Variants in MCM3AP observed in about 807,000 individuals in gnomAD.
MCM3AP encodes minichromosome maintenance complex component 3 associated protein.
A neutral mutation model predicts 184.1 loss-of-function variants in MCM3AP; 126 were observed. The ratio of observed to expected loss-of-function variants is 0.68; its 90% CI spans 0.59 to 0.79. The LOEUF (loss-of-function observed/expected upper bound fraction) is 0.79. Among genes scored for constraint, MCM3AP ranks in the 30% least tolerant of loss-of-function variants. The pLI, the probability that MCM3AP is intolerant of heterozygous loss-of-function variation, is 0.00. For missense variants in MCM3AP, 2,496 were observed against 2,479.2 expected (o/e 1.01, Z -0.14); for synonymous variants, 1,002 against 979.3 (o/e 1.02, Z -0.43).
Position 46,284,061 on chromosome 21 carries a change from A to G in MCM3AP, c.1219+7T>C, listed in dbSNP as rs1245281252. 1.2e-6 allele frequency: 2 copies of G among 1,607,850 alleles called. No individual in the cohort carries two copies. Among genetic ancestry groups the G allele is most frequent in the African/African-American group, 1.3e-5 (1 of 74,642 alleles). On this transcript the variant is annotated splice_region_variant and intron_variant, in intron 1 of 27. Transcript: ENST00000291688. Reference sequence around the variant, plus strand: ...TTTACTCTATGTGCTACATTTTCAGAGCTCACCTTCTTTCTTCTCTCTACT... The same window carrying G: ...TTTACTCTATGTGCTACATTTTCAGGGCTCACCTTCTTTCTTCTCTCTACT...
intron 9 of MCM3AP, 60 bp from the exon 10 acceptor site, chr21:46,267,202 T>C (rs2081124632): frequency 6.5e-7 from 1 of 1,531,788 alleles, no homozygotes; most frequent in Admixed American, 1.9e-5. Context: ...ACACATGCAG[T>C]CAGCCCATGA....
chr21:46,280,280 G>A lies in MCM3AP; in HGVS notation c.1523-143C>T, dbSNP rs1305720844. 5.0e-6 allele frequency: 5 copies of A among 1,007,446 alleles called. No homozygotes were observed. In the African/African-American group the frequency reaches 8.2e-5, roughly 16 times the overall value. The allele number at this position is 1,007,446 out of a possible 1,614,324, so 62.4% of individuals were successfully genotyped here. On this transcript the variant is annotated intron_variant, in intron 3 of 27. Coordinates refer to ENST00000291688, the MANE Select transcript of MCM3AP (RefSeq NM_003906.5). ...GAGCCCAAGGAAATAACTGTGAGAT[G>A]CAAATCCACTGAGAGCCAGCCTCCT...
chr21:46,278,908 T>C (rs1266658297), intron 4 of MCM3AP, among the ~76,000 whole-genome samples: 2 of 149,352 alleles, frequency 1.3e-5, no homozygotes, highest in Non-Finnish European at 1.5e-5. Flanking sequence ...CTCCTGACCT[T>C]GTGATCCGCC....
chr21:46,252,594 C>A (rs546874931), intron 19 of MCM3AP: 23 of 151,714 alleles, frequency 1.5e-4, no homozygotes, highest in Admixed American at 7.9e-4. Context: ...GAGGCTGAGG[C>A]AGGAAAATTG....
chr21:46,254,949 C>G (rs904764359), intron 17 of MCM3AP, 105 bp from the exon 18 acceptor site: 1 of 791,864 alleles, frequency 1.3e-6, no homozygotes, highest in Admixed American at 2.0e-5. Flanking sequence ...ACATTTTCTG[C>G]CAATGAAACG....
chr21:46,242,620 T>G, intron 25 of MCM3AP, 182 bp downstream of exon 25: 3 of 495,762 alleles, frequency 6.1e-6, no homozygotes, highest in Non-Finnish European at 1.0e-5. Context: ...ATAAATGAAG[T>G]GAGATGCTTT....
At chr21:46,281,979 C>CA (rs2081339658) in intron 2 of MCM3AP, among the ~76,000 whole-genome samples, 1 of 151,996 alleles carries the variant, frequency 6.6e-6, no homozygotes, top group Non-Finnish European at 1.5e-5. Context: ...GGCTGGGAGA[C>CA]AGAGCAAGGC....
rs543452407 is a variant in MCM3AP at position 46,280,442 on chromosome 21, T to C, written c.1522+55A>G. ...GCAACATAGCGAGATCTCATCTCTA[T>C]AAAATAAATAAAAATAATTTTTTTA... is the stretch of plus-strand genomic sequence containing the variant. On this transcript the variant is annotated intron_variant, in intron 3 of 27. Coordinates refer to ENST00000291688, the MANE Select transcript of MCM3AP (RefSeq NM_003906.5). 13 of 1,324,252 alleles carry C rather than the reference T, an allele frequency of 9.8e-6. No individual in the cohort carries two copies. The South Asian group carries it at 1.2e-4, about 12-fold the overall frequency. 82.0% of individuals were successfully genotyped at this position (1,324,252 alleles called of 1,614,324 possible). A position where few individuals can be genotyped will look rare whatever the true frequency, so the allele number is the denominator to read the frequency against.
chr21:46,264,075 C>T, intron 13 of MCM3AP, 42 bp downstream of exon 13: 2 of 1,401,878 alleles, frequency 1.4e-6, no homozygotes, highest in South Asian at 2.3e-5. Context: ...GGTGCAGCTC[C>T]CCGCAGCACG....
intron 3 of MCM3AP, 91 bp from the exon 4 acceptor site, chr21:46,280,228 T>A (rs950110533): frequency 7.2e-7 from 1 of 1,380,076 alleles, no homozygotes; most frequent in African/African-American, 1.4e-5. Context: ...AGTAATATTA[T>A]TTTCATTGTC....
chr21:46,238,925 T>G (rs2080598004), intron 26 of MCM3AP, among the ~76,000 whole-genome samples: 1 of 151,936 alleles, frequency 6.6e-6, no homozygotes, highest in Non-Finnish European at 1.5e-5. Flanking sequence ...AAGGAACACA[T>G]AACAAGAGAA....
At chr21:46,243,795 T>C in intron 23 of MCM3AP, 73 bp from the exon 24 acceptor site, 1 of 1,478,438 alleles carries the variant, frequency 6.8e-7, no homozygotes, top group Non-Finnish European at 9.2e-7. Flanking sequence ...AAACATTTTC[T>C]CAGGAGAAGG....
intron 19 of MCM3AP, 150 bp from the exon 20 acceptor site, chr21:46,251,832 G>A (rs558554582): frequency 1.5e-5 from 7 of 478,006 alleles, no homozygotes; most frequent in African/African-American, 7.9e-5. Context: ...AAGCTGATCT[G>A]CACAAAACAG....
chr21:46,249,213 CGGG>C (rs777937067), intron 20 of MCM3AP, among the ~76,000 whole-genome samples: 10 of 152,108 alleles, frequency 6.6e-5, no homozygotes, highest in Non-Finnish European at 1.5e-4. Flanking sequence ...TCTTTTGAGA[CGGG>C]GTCTTCCTCT....
rs1050610252 is a variant in MCM3AP at position 46,244,587 on chromosome 21, A to G, written c.5038+220T>C. 6.3e-5 allele frequency: 37 copies of G among 583,550 alleles called. No individual in the cohort carries two copies. In the African/African-American group the frequency reaches 6.5e-4, roughly 10 times the overall value. The allele number at this position is 583,550 out of a possible 1,614,324, so 36.1% of individuals were successfully genotyped here. A position where few individuals can be genotyped will look rare whatever the true frequency, so the allele number is the denominator to read the frequency against. On this transcript the variant is annotated intron_variant, in intron 23 of 27. Transcript: ENST00000291688. ...CCCATGGACTGCCTTGCTGGTCAGG[A>G]AAGGCTAACAGCCCCCACTCCACAA...
rs2080894004 is a variant in MCM3AP at position 46,252,820 on chromosome 21, T to A, written c.4137-1138A>T. On this transcript the variant is annotated intron_variant, in intron 19 of 27. Coordinates refer to ENST00000291688, the MANE Select transcript of MCM3AP (RefSeq NM_003906.5). Reference sequence around the variant, plus strand: ...TTAAATGGGTGAAGTTTATGGTATGTGAATAACATTTCAATAAAGCTATTT... The same window carrying A: ...TTAAATGGGTGAAGTTTATGGTATGAGAATAACATTTCAATAAAGCTATTT... The A allele has an allele frequency of 2.0e-5, 3 of 152,110 alleles. No individual in the cohort carries two copies. In the South Asian group the frequency reaches 6.2e-4, roughly 32 times the overall value. The allele number at this position is 152,110 out of a possible 1,614,324, so 9.4% of individuals were successfully genotyped here.
chr21:46,237,206 A>T (rs2080555857), intron 26 of MCM3AP, among the ~76,000 whole-genome samples: 1 of 148,064 alleles, frequency 6.8e-6, no homozygotes. Flanking sequence ...GGTTCAAGTG[A>T]TTCTCCTGCG....
intron 11 of MCM3AP, 126 bp downstream of exon 11, chr21:46,265,799 G>C: frequency 3.2e-6 from 4 of 1,241,918 alleles, no homozygotes; most frequent in Non-Finnish European, 4.4e-6. Context: ...TGGGCCCCAA[G>C]ACAAGACAGG....
rs1359602915 is a variant in MCM3AP at position 46,235,371 on chromosome 21, C to T, written c.5840G>A (p.Gly1947Asp). 1 of 1,614,126 alleles carries T rather than the reference C, an allele frequency of 6.2e-7. No homozygotes were observed. The highest frequency in any genetic ancestry group is 1.1e-5 in the South Asian group (1 of 91,082). Residue 1947 changes from glycine (G) to aspartate (D), a missense_variant, in exon 28 of 28, where the codon GGC becomes GAC. Coordinates refer to ENST00000291688, the MANE Select transcript of MCM3AP (RefSeq NM_003906.5). ...CCTTTCCAGGTGCTTTAGTCGTTCGCCTAGACACGTTCCTGTCGCCTCTGA... is the reference window on the plus strand; with the variant it reads ...CCTTTCCAGGTGCTTTAGTCGTTCGTCTAGACACGTTCCTGTCGCCTCTGA... ...QLSEATGTCL[G>D]ERLKHLERLI...
Sources: gnomAD v4.1 joint callset for allele counts (sites outside exome capture counted in the v4.1 genomes callset) on GRCh38, gnomAD v4.1.1 for gene constraint, MANE v1.5 for transcripts, NCBI Gene and HGNC (gene_info 2026-07-23, HGNC 2026-07-21) for gene names.